Variants in SIN3A observed in about 807,000 individuals in gnomAD.
SIN3A encodes paired amphipathic helix protein Sin3a.
Under a neutral mutation model 146.1 loss-of-function variants are expected in SIN3A, and 14 were observed. The ratio of observed to expected loss-of-function variants is 0.10; its 90% CI spans 0.06 to 0.15. The LOEUF is 0.15. SIN3A is among the 10% of genes least tolerant of loss of function. The probability of loss-of-function intolerance (pLI) is 1.00; values close to 1 mark genes in which losing one functional copy is unlikely to be tolerated. For synonymous variants in SIN3A, 572 were observed against 572.0 expected (o/e 1.00, Z 0.00); for missense variants, 1,028 against 1,576.0 (o/e 0.65, Z 5.89).
At chr15:75,422,591 C>A in intron 3 of SIN3A, 56 bp downstream of exon 3, 1 of 1,572,514 alleles carries the variant, frequency 6.4e-7, no homozygotes, top group Non-Finnish European at 8.8e-7. Context: ...AAGCTGCAAC[C>A]AGTATTTCCT....
At position 75,441,990 on chromosome 15, in the gene SIN3A, C is replaced by T. The variant is rs545166688; in HGVS notation, c.-34+9433G>A. ...AAAAAATTAGCTGGGTGCAGTGGCA[C>T]GCACCCGTAGTCCCAGCTACTCGGG... On this transcript the variant is annotated intron_variant, in intron 1 of 20. Coordinates refer to ENST00000394947, the MANE Select transcript of SIN3A (RefSeq NM_001145358.2). 1.3e-3 allele frequency among the ~76,000 whole-genome samples: 192 copies of T among 151,398 alleles called. 1 individual carries two copies. The highest frequency in any genetic ancestry group is 4.7e-3 in the African/African-American group (192 of 41,226).
At chr15:75,443,392 G>T (rs973746185) in intron 1 of SIN3A, among the ~76,000 whole-genome samples, 6 of 152,134 alleles carry the variant, frequency 3.9e-5, no homozygotes, top group African/African-American at 1.4e-4. Flanking sequence ...GTTTAAGATG[G>T]TATCTCCCAA....
At chr15:75,390,160 A>T (rs758203994) in intron 15 of SIN3A, among the ~76,000 whole-genome samples, 1 of 152,174 alleles carries the variant, frequency 6.6e-6, no homozygotes, top group Non-Finnish European at 1.5e-5. Context: ...TCCCCTGCTG[A>T]GAGAGGAACC....
In SIN3A at chr15:75,451,643, T is replaced by C. The variant is rs981655085; in HGVS notation, c.-254A>G. ...GAGGGGGGAAGGGGAGGGGGGAAGATGGAGAAACCGTCTCCGCCGCCTCTA... is the reference window on the plus strand; with the variant it reads ...GAGGGGGGAAGGGGAGGGGGGAAGACGGAGAAACCGTCTCCGCCGCCTCTA... On this transcript the variant is annotated 5_prime_UTR_variant, in exon 1 of 21. Transcript: ENST00000394947. 3.3e-5 allele frequency: 5 copies of C among 150,928 alleles called. No individual in the cohort carries two copies. The highest frequency in any genetic ancestry group is 1.2e-4 in the African/African-American group (5 of 40,950). 9.3% of individuals were successfully genotyped at this position (150,928 alleles called of 1,614,324 possible). A position where few individuals can be genotyped will look rare whatever the true frequency, so the allele number is the denominator to read the frequency against.
At chr15:75,406,804 C>G (rs2073525378) in intron 9 of SIN3A, among the ~76,000 whole-genome samples, 1 of 152,160 alleles carries the variant, frequency 6.6e-6, no homozygotes. Flanking sequence ...TCAAGAGAAA[C>G]ATAATACATT....
upstream of SIN3A, among the ~76,000 whole-genome samples, chr15:75,452,281 G>A (rs561548881): frequency 2.0e-5 from 3 of 152,360 alleles, no homozygotes; most frequent in African/African-American, 4.8e-5. Context: ...GCGCGAGGAG[G>A]CTGAACCTTA....
chr15:75,384,077 G>T, intron 17 of SIN3A, 187 bp downstream of exon 17: 1 of 398,798 alleles, frequency 2.5e-6, no homozygotes, highest in East Asian at 3.8e-5. Flanking sequence ...TTTAAAGGCA[G>T]GAAAGAAACA....
intron 12 of SIN3A, among the ~76,000 whole-genome samples, chr15:75,397,716 T>G (rs1266100911): frequency 6.6e-6 from 1 of 152,186 alleles, no homozygotes; most frequent in Non-Finnish European, 1.5e-5. Flanking sequence ...CTTAAACACA[T>G]GCACACCCCA....
At chr15:75,452,151 G>A (rs1280532534), upstream of SIN3A, among the ~76,000 whole-genome samples, 2 of 152,224 alleles carry the variant, frequency 1.3e-5, no homozygotes, top group Admixed American at 1.3e-4. Flanking sequence ...AAGTGAAACA[G>A]GCTCCGCCTA....
intron 9 of SIN3A, among the ~76,000 whole-genome samples, chr15:75,405,543 G>C (rs926667028): frequency 2.0e-5 from 3 of 151,990 alleles, no homozygotes; most frequent in African/African-American, 7.3e-5. Context: ...CTGAAGCCAG[G>C]AGTTCAAGAC....
At position 75,369,470 on chromosome 15, in the gene SIN3A, A is replaced by G. The variant is rs1246974394; in HGVS notation, c.*2509T>C. The G allele has an allele frequency of 6.6e-6, 1 of 152,242 alleles. No individual in the cohort carries two copies. Among genetic ancestry groups the G allele is most frequent in the Non-Finnish European group, 1.5e-5 (1 of 68,040 alleles). 9.4% of individuals were successfully genotyped at this position (152,242 alleles called of 1,614,324 possible). On this transcript the variant is annotated 3_prime_UTR_variant, in exon 21 of 21. Transcript: ENST00000394947. ...AAGGTGACTAAGTACAGAATAACAA[A>G]TGTGATTTAAAACAAAGATAACCTG...
chr15:75,400,111 A>G lies in SIN3A; in HGVS notation c.1783T>C (p.Ser595Pro). 1 of 1,612,244 alleles carries G rather than the reference A, an allele frequency of 6.2e-7. No homozygotes were observed. Among genetic ancestry groups the G allele is most frequent in the Non-Finnish European group, 8.5e-7 (1 of 1,178,254 alleles). ...GTCTTCTTGGAACTCACAAAGGTAG[A>G]GTCCTCAGACCACGAAGGGAAGGAA... The part of the protein sequence containing the change: ...WVSFPSWSED[S>P]TFVSSKKTQY... The change falls in exon 12 of 21, where the codon TCT becomes CCT. Residue 595 changes from serine (S) to proline (P), a missense_variant. Ser to Pro is a moderately conservative substitution (Grantham distance 74). Coordinates refer to ENST00000394947, the MANE Select transcript of SIN3A (RefSeq NM_001145358.2).
chr15:75,392,055 T>C (rs998515219), intron 15 of SIN3A, among the ~76,000 whole-genome samples, 187 bp downstream of exon 15: 5 of 152,200 alleles, frequency 3.3e-5, no homozygotes, highest in Non-Finnish European at 7.3e-5. Context: ...CTGCATAGGA[T>C]ACTTTGCACA....
chr15:75,418,807 T>A (rs140676521), intron 3 of SIN3A, among the ~76,000 whole-genome samples: 1 of 152,132 alleles, frequency 6.6e-6, no homozygotes, highest in African/African-American at 2.4e-5. Flanking sequence ...CAGGCTGGAG[T>A]GCAGTGGCGC....
rs1191026166 is a variant in SIN3A, at chr15:75,370,929, ATT to A, written c.*1048_*1049del. On this transcript the variant is annotated 3_prime_UTR_variant, in exon 21 of 21. Coordinates refer to ENST00000394947, the MANE Select transcript of SIN3A (RefSeq NM_001145358.2). Reference sequence around the variant, plus strand: ...GACAAGGGACGTGGGTTGAGAGTTTATTCCTTAAGTAAGAACCAAGCTTTATT... The same window carrying A: ...GACAAGGGACGTGGGTTGAGAGTTTACCTTAAGTAAGAACCAAGCTTTATT... 1 of 150,114 alleles carries A rather than the reference ATT, an allele frequency of 6.7e-6. No individual in the cohort carries two copies. Among genetic ancestry groups the A allele is most frequent in the Non-Finnish European group, 1.5e-5 (1 of 67,750 alleles). 9.3% of individuals were successfully genotyped at this position (150,114 alleles called of 1,614,324 possible).
Position 75,396,275 on chromosome 15 carries a change from A to T in SIN3A, c.2076T>A (p.Val692=), listed in dbSNP as rs767851005. 105 of 1,613,352 alleles carry T rather than the reference A, an allele frequency of 6.5e-5. 1 individual carries two copies. The highest frequency in any genetic ancestry group is 8.8e-5 in the Non-Finnish European group (104 of 1,179,410). The change falls in exon 13 of 21, where the codon GTT becomes GTA. Residue 692 remains valine, a synonymous_variant. Transcript: ENST00000394947. ...DGLRKNPSIA[V]PIVLKRLKMK... Reference sequence around the variant, plus strand: ...TCATGTACCTTTTAAGGACAATTGGAACAGCAATGGAGGGATTCTTTCTCA... The same window carrying T: ...TCATGTACCTTTTAAGGACAATTGGTACAGCAATGGAGGGATTCTTTCTCA...
intron 1 of SIN3A, among the ~76,000 whole-genome samples, chr15:75,448,385 C>T (rs1403180684): frequency 6.6e-6 from 1 of 150,770 alleles, no homozygotes; most frequent in Non-Finnish European, 1.5e-5. Flanking sequence ...GCTTCTTCTT[C>T]GTGGAGGCTG....
rs142160246 is a variant in SIN3A, at chr15:75,394,673, C to A, written c.2277+7G>T. On this transcript the variant is annotated splice_region_variant and intron_variant, in intron 14 of 20. Transcript: ENST00000394947. ...TCCTCTCACAGATGCAGAAACCCCC[C>A]GCTCACCTCATCATAGATACTCTCA... is the stretch of plus-strand genomic sequence containing the variant. The A allele has an allele frequency of 3.9e-4, 622 of 1,601,626 alleles. No individual in the cohort carries two copies. The African/African-American group carries it at 7.5e-3, about 19-fold the overall frequency.
At chr15:75,412,091 G>GAC (rs1442234840) in intron 5 of SIN3A, among the ~76,000 whole-genome samples, 2 of 152,148 alleles carry the variant, frequency 1.3e-5, no homozygotes, top group African/African-American at 4.8e-5. Context: ...TCAACAACAA[G>GAC]ACAACTGTTG....
Sources: gnomAD v4.1 joint callset for allele counts (sites outside exome capture counted in the v4.1 genomes callset) on GRCh38, gnomAD v4.1.1 for gene constraint, MANE v1.5 for transcripts, NCBI Gene and HGNC (gene_info 2026-07-23, HGNC 2026-07-21) for gene names.